Variants in SPX observed in about 807,000 individuals in gnomAD.
SPX encodes spexin.
In SPX, 22 loss-of-function variants were observed where a neutral mutation model predicts 19.2. The ratio of observed to expected loss-of-function variants is 1.15; its 90% CI spans 0.82 to 1.64. The LOEUF (loss-of-function observed/expected upper bound fraction) is 1.64. SPX is among the 40% of genes most tolerant of loss of function. SPX has a pLI of 0.00. For synonymous variants in SPX, 50 were observed against 53.3 expected, an observed-to-expected ratio of 0.94 and a Z score of 0.27; for missense variants, 143 against 137.7, an observed-to-expected ratio of 1.04 and a Z score of -0.19.
At chr12:21,528,674 T>C (rs1943837230) in intron 4 of SPX, among the ~76,000 whole-genome samples, 1 of 152,232 alleles carries the variant, frequency 6.6e-6, no homozygotes, top group Non-Finnish European at 1.5e-5. Flanking sequence ...TTGAAATAAC[T>C]TTGAGTTCTT....
At chr12:21,527,091 C>G in intron 2 of SPX, 44 bp from the exon 3 acceptor site, 1 of 1,599,858 alleles carries the variant, frequency 6.3e-7, no homozygotes, top group East Asian at 2.2e-5. Context: ...GAGGACTGAG[C>G]TGCAATGTTT....
At chr12:21,528,442 A>T (rs1173975601) in intron 4 of SPX, among the ~76,000 whole-genome samples, 1 of 152,208 alleles carries the variant, frequency 6.6e-6, no homozygotes, top group Non-Finnish European at 1.5e-5. Flanking sequence ...AATTGTAAAG[A>T]TTGAAATGCT....
chr12:21,527,185 A>G lies in SPX; in HGVS notation c.138A>G (p.Lys46=). The change falls in exon 3 of 6, where the codon AAA becomes AAG. Residue 46 remains lysine, a synonymous_variant. Transcript: ENST00000256969. ...CTCCTCAAGCTATGCTCTACCTGAA[A>G]GGGGCACGTAAGTTCCAAATATTTC... is the stretch of plus-strand genomic sequence containing the variant. ...NWTPQAMLYL[K]GAQGRRFISD... is the part of the protein sequence containing the mutation. 6.2e-7 allele frequency: 1 copy of G among 1,613,900 alleles called. No individual in the cohort carries two copies. Among genetic ancestry groups the G allele is most frequent in the South Asian group, 1.1e-5 (1 of 91,074 alleles).
chr12:21,526,632 GA>G (rs1178385002), intron 1 of SPX, among the ~76,000 whole-genome samples, 154 bp downstream of exon 1: 2 of 152,034 alleles, frequency 1.3e-5, no homozygotes, highest in Admixed American at 1.3e-4. Flanking sequence ...ATTTTACTAA[GA>G]AAAAAATTCA....
At chr12:21,527,237 C>T (rs2136820082) in intron 3 of SPX, 45 bp downstream of exon 3, 5 of 1,547,618 alleles carry the variant, frequency 3.2e-6, no homozygotes, top group Non-Finnish European at 4.5e-6. Flanking sequence ...TGGAAGACCC[C>T]TAGGAGTCAG....
At chr12:21,526,518 T>G (rs1401603698) in intron 1 of SPX, 40 bp downstream of exon 1, 1 of 1,574,706 alleles carries the variant, frequency 6.4e-7, no homozygotes, top group Admixed American at 1.7e-5. Flanking sequence ...TCTTAGCTAT[T>G]TTTTAAAACG....
At chr12:21,528,727 G>T (rs540836328) in intron 4 of SPX, among the ~76,000 whole-genome samples, 15 of 152,188 alleles carry the variant, frequency 9.9e-5, no homozygotes, top group Middle Eastern at 6.8e-3. Context: ...ATATTTGGCC[G>T]CAAAGGTTAA....
chr12:21,527,890 C>A, intron 4 of SPX, 101 bp downstream of exon 4: 1 of 1,373,448 alleles, frequency 7.3e-7, no homozygotes, highest in South Asian at 1.3e-5. Flanking sequence ...AGCGTCTCCT[C>A]ACCGGAAAGA....
intron 5 of SPX, among the ~76,000 whole-genome samples, chr12:21,530,875 A>G (rs1943858733): frequency 6.6e-6 from 1 of 152,200 alleles, no homozygotes; most frequent in Admixed American, 6.5e-5. Context: ...GATTTTTACC[A>G]GACATACCAT....
rs1943868289 is a variant in SPX, at chr12:21,531,774, A to G, written c.*579A>G. On this transcript the variant is annotated 3_prime_UTR_variant, in exon 6 of 6. Transcript: ENST00000256969. ...GTGTGGTTGCTGAGAGGAGACAGTC[A>G]TTGAGGTAGAAGGTTTGCCAAAGAT... 1 of 152,258 alleles carries G rather than the reference A, an allele frequency of 6.6e-6. No individual in the cohort carries two copies. Among genetic ancestry groups the G allele is most frequent in the African/African-American group, 2.4e-5 (1 of 41,456 alleles). 9.4% of individuals were successfully genotyped at this position (152,258 alleles called of 1,614,324 possible).
At chr12:21,527,810 G>C (rs1468310597) in intron 4 of SPX, 21 bp downstream of exon 4, 4 of 1,566,202 alleles carry the variant, frequency 2.6e-6, no homozygotes. Context: ...AAGGGTGCAA[G>C]GGCGCTAGTC....
intron 5 of SPX, among the ~76,000 whole-genome samples, chr12:21,530,023 T>C (rs1422520677): frequency 6.6e-6 from 1 of 152,212 alleles, no homozygotes; most frequent in Non-Finnish European, 1.5e-5. Context: ...GTATCTTCAT[T>C]AGCAATTTGA....
chr12:21,526,852 G>T, intron 1 of SPX, 34 bp from the exon 2 acceptor site: 1 of 1,596,578 alleles, frequency 6.3e-7, no homozygotes, highest in Admixed American at 1.7e-5. Flanking sequence ...TATTGGCACA[G>T]AAATGACCCT....
chr12:21,529,089 T>C lies in SPX; in HGVS notation c.292+5T>C, dbSNP rs1943841064. On this transcript the variant is annotated splice_donor_5th_base_variant and intron_variant, in intron 5 of 5. Coordinates refer to ENST00000256969, the MANE Select transcript of SPX (RefSeq NM_030572.4). The stretch of plus-strand genomic sequence containing the variant: ...CCCTTCAGAAATCACCAGAAGGTAC[T>C]AGCATAGTGGCCTCTTTCACCTGCA... 4 of 1,611,756 alleles carry C rather than the reference T, an allele frequency of 2.5e-6. No individual in the cohort carries two copies. Among genetic ancestry groups the C allele is most frequent in the Non-Finnish European group, 3.4e-6 (4 of 1,177,840 alleles).
intron 4 of SPX, among the ~76,000 whole-genome samples, chr12:21,528,615 A>G (rs535059589): frequency 6.6e-6 from 1 of 152,342 alleles, no homozygotes; most frequent in South Asian, 2.1e-4. Flanking sequence ...CAAATTAGAA[A>G]TCATGTTTTG....
chr12:21,527,463 A>G, intron 3 of SPX: 1 of 598,892 alleles, frequency 1.7e-6, no homozygotes, highest in South Asian at 2.1e-5. Context: ...CCTGGGAAAT[A>G]TCTCAGTAAC....
chr12:21,529,133 T>C (rs1943841465), intron 5 of SPX, 49 bp downstream of exon 5: 1 of 1,558,402 alleles, frequency 6.4e-7, no homozygotes, highest in Non-Finnish European at 8.8e-7. Flanking sequence ...CAGCTTTGCT[T>C]ACTTTCGGGA....
chr12:21,526,845 T>C (rs780185774), intron 1 of SPX, 41 bp from the exon 2 acceptor site: 1 of 1,566,346 alleles, frequency 6.4e-7, no homozygotes. Context: ...AAGATCCTAT[T>C]GGCACAGAAA....
Position 21,531,382 on chromosome 12 carries a change from G to A in SPX, c.*187G>A. On this transcript the variant is annotated 3_prime_UTR_variant, in exon 6 of 6. Coordinates refer to ENST00000256969, the MANE Select transcript of SPX (RefSeq NM_030572.4). ...AACATCATCTTCTTTCATTGCTTCA[G>A]GTCCTGTTTAGATGACCAAAAATGT... The A allele has an allele frequency of 2.2e-6, 1 of 464,274 alleles. No homozygotes were observed. 28.8% of individuals were successfully genotyped at this position (464,274 alleles called of 1,614,324 possible). A position where few individuals can be genotyped will look rare whatever the true frequency, so the allele number is the denominator to read the frequency against.
Sources: allele counts gnomAD v4.1 joint callset (sites outside exome capture counted in the v4.1 genomes callset), GRCh38; gene constraint gnomAD v4.1.1; transcripts MANE v1.5; gene names NCBI Gene and HGNC (gene_info 2026-07-23, HGNC 2026-07-21).